Variants in NNT observed in about 807,000 individuals in gnomAD.
The protein encoded by NNT is NAD(P) transhydrogenase, mitochondrial.
Under a neutral mutation model 104.8 loss-of-function variants are expected in NNT, and 50 were observed. The ratio of observed to expected loss-of-function variants is 0.48; its 90% CI spans 0.38 to 0.60. The LOEUF (loss-of-function observed/expected upper bound fraction) is 0.60. NNT is among the 20% of genes least tolerant of loss of function. The probability of loss-of-function intolerance (pLI) is 0.00; values close to 1 mark genes in which losing one functional copy is unlikely to be tolerated. For synonymous variants in NNT, 461 were observed against 490.4 expected (o/e 0.94, Z 0.79); for missense variants, 1,131 against 1,330.7 (o/e 0.85, Z 2.33).
intron 7 of NNT, 38 bp from the exon 8 acceptor site, chr5:43,644,151 AATG>A (rs1751381370): frequency 1.3e-6 from 2 of 1,549,920 alleles, no homozygotes; most frequent in East Asian, 2.2e-5. Flanking sequence ...GGTGTTAGAA[AATG>A]ATAATACAAA....
intron 13 of NNT, 112 bp from the exon 14 acceptor site, chr5:43,652,906 A>G: frequency 1.3e-6 from 1 of 750,554 alleles, no homozygotes; most frequent in South Asian, 2.4e-5. Context: ...TGCAAATACA[A>G]TATAAGTATT....
At chr5:43,656,865 T>G (rs755558839) in intron 16 of NNT, 52 bp downstream of exon 16, 8 of 1,522,070 alleles carry the variant, frequency 5.3e-6, no homozygotes, top group Non-Finnish European at 7.1e-6. Context: ...CTGGGAATAT[T>G]TTGTTAGATT....
rs1047244236 is a variant in NNT at position 43,698,713 on chromosome 5, TAAAGTTGCACTTTCTAA to T, written c.2877-1388_2877-1372del. On this transcript the variant is annotated intron_variant, in intron 19 of 21. Coordinates refer to ENST00000344920, the MANE Select transcript of NNT (RefSeq NM_182977.3). ...TGGTTTCATTATATCTTGTTTCACT[TAAAGTTGCACTTTCTAA>T]AAAGTTGCACTTTCTAAGAACTTAT... Among the ~76,000 whole-genome samples, 22 of 152,232 alleles carry T rather than the reference TAAAGTTGCACTTTCTAA, an allele frequency of 1.4e-4. No homozygotes were observed. In the East Asian group the frequency reaches 1.9e-3, roughly 13 times the overall value.
At chr5:43,635,823 G>A (rs529506743) in intron 7 of NNT, among the ~76,000 whole-genome samples, 2 of 152,124 alleles carry the variant, frequency 1.3e-5, no homozygotes, top group East Asian at 3.9e-4. Context: ...TCATTTTAAC[G>A]TAATCACCTC....
At chr5:43,681,995 T>A (rs1741744111) in intron 19 of NNT, among the ~76,000 whole-genome samples, 1 of 152,122 alleles carries the variant, frequency 6.6e-6, no homozygotes, top group Admixed American at 6.5e-5. Flanking sequence ...CTGAAATATC[T>A]TGCATGTTTT....
chr5:43,619,504 C>T (rs995174408), intron 5 of NNT, among the ~76,000 whole-genome samples: 1 of 152,162 alleles, frequency 6.6e-6, no homozygotes, highest in Admixed American at 6.5e-5. Context: ...TTGGTTTCTT[C>T]ACTTCTTGTC....
chr5:43,690,721 A>T (rs1039631229), intron 19 of NNT, among the ~76,000 whole-genome samples: 1 of 151,946 alleles, frequency 6.6e-6, no homozygotes, highest in African/African-American at 2.4e-5. Flanking sequence ...CCCAGCTTCC[A>T]TAATGGTCTT....
chr5:43,629,178 TC>T (rs1283314041), intron 7 of NNT, among the ~76,000 whole-genome samples: 1 of 151,862 alleles, frequency 6.6e-6, no homozygotes, highest in Non-Finnish European at 1.5e-5. Flanking sequence ...AACCCCTGAG[TC>T]CCCAAAGCCC....
chr5:43,698,675 C>A (rs1211420583), intron 19 of NNT, among the ~76,000 whole-genome samples: 1 of 151,874 alleles, frequency 6.6e-6, no homozygotes, highest in African/African-American at 2.4e-5. Flanking sequence ...TATCAATTAG[C>A]CTAGAGTAAA....
intron 19 of NNT, among the ~76,000 whole-genome samples, chr5:43,680,923 A>G (rs1317278320): frequency 1.3e-5 from 2 of 152,030 alleles, no homozygotes; most frequent in Non-Finnish European, 2.9e-5. Flanking sequence ...CAATTTTTGG[A>G]CTGATTATAT....
chr5:43,636,833 T>A (rs1364798636), intron 7 of NNT, among the ~76,000 whole-genome samples: 1 of 152,210 alleles, frequency 6.6e-6, no homozygotes, highest in Non-Finnish European at 1.5e-5. Context: ...GGTAAATTAT[T>A]AAGTTAATCC....
At chr5:43,646,265 A>T (rs1384626234) in intron 10 of NNT, among the ~76,000 whole-genome samples, 1 of 152,172 alleles carries the variant, frequency 6.6e-6, no homozygotes, top group Admixed American at 6.5e-5. Context: ...AAATGCAGTC[A>T]TTTATATATA....
chr5:43,666,512 G>C (rs981732047), intron 17 of NNT, among the ~76,000 whole-genome samples: 1 of 151,968 alleles, frequency 6.6e-6, no homozygotes, highest in African/African-American at 2.4e-5. Flanking sequence ...GAATCAGGCA[G>C]GGAGGTTGCA....
At chr5:43,663,622 T>G (rs1740484402) in intron 17 of NNT, among the ~76,000 whole-genome samples, 1 of 152,232 alleles carries the variant, frequency 6.6e-6, no homozygotes, top group African/African-American at 2.4e-5. Context: ...TTAGCGGCTC[T>G]AGGTAGATCG....
chr5:43,624,202 A>G (rs1474367145), intron 6 of NNT, 82 bp downstream of exon 6: 2 of 1,207,160 alleles, frequency 1.7e-6, no homozygotes, highest in Non-Finnish European at 2.5e-6. Context: ...AAACTTGTAA[A>G]TTGAAGTAGC....
chr5:43,695,018 C>T (rs555254936), intron 19 of NNT, among the ~76,000 whole-genome samples: 65 of 152,192 alleles, frequency 4.3e-4, no homozygotes, highest in Admixed American at 1.4e-3. Flanking sequence ...CTTCCTGGTT[C>T]AGTCTTGGGA....
chr5:43,653,852 G>A (rs543023699), intron 14 of NNT, among the ~76,000 whole-genome samples: 1 of 152,084 alleles, frequency 6.6e-6, no homozygotes, highest in East Asian at 1.9e-4. Flanking sequence ...CTTCTTGGGT[G>A]GCTGAAGCAT....
intron 19 of NNT, among the ~76,000 whole-genome samples, chr5:43,685,208 G>A (rs954988264): frequency 2.0e-5 from 3 of 152,114 alleles, no homozygotes; most frequent in African/African-American, 4.8e-5. Flanking sequence ...TTTAACAAAT[G>A]AGCCTTCTTT....
At chr5:43,683,036 T>TTA (rs1286626505) in intron 19 of NNT, among the ~76,000 whole-genome samples, 2 of 152,214 alleles carry the variant, frequency 1.3e-5, no homozygotes, top group Non-Finnish European at 2.9e-5. Context: ...AGTTTCAAAG[T>TTA]TATAGCTGCC....
Sources: allele counts gnomAD v4.1 joint callset (sites outside exome capture counted in the v4.1 genomes callset), GRCh38; gene constraint gnomAD v4.1.1; transcripts MANE v1.5; gene names NCBI Gene and HGNC (gene_info 2026-07-23, HGNC 2026-07-21).